SNX25: variants seen among roughly 807,000 people sequenced by gnomAD.
SNX25 encodes sorting nexin-25.
In SNX25, 62 loss-of-function variants were observed where a neutral mutation model predicts 113.7. That is an observed-to-expected ratio of 0.55 (90% confidence interval 0.44 to 0.67). The LOEUF is 0.67. Among genes scored for constraint, SNX25 ranks in the 30% least tolerant of loss-of-function variants. The probability of loss-of-function intolerance (pLI) is 0.00; values close to 1 mark genes in which losing one functional copy is unlikely to be tolerated. For synonymous variants in SNX25, 421 were observed against 436.2 expected (o/e 0.97, Z 0.43); for missense variants, 1,014 against 1,161.0 (o/e 0.87, Z 1.84).
chr4:185,236,373 A>AG (rs1244865019), intron 1 of SNX25, among the ~76,000 whole-genome samples: 1 of 151,990 alleles, frequency 6.6e-6, no homozygotes, highest in Non-Finnish European at 1.5e-5. Flanking sequence ...ACTGAAGAAA[A>AG]AAAAGACTCC....
intron 5 of SNX25, among the ~76,000 whole-genome samples, chr4:185,281,021 A>G (rs1366278886): frequency 6.6e-6 from 1 of 151,980 alleles, no homozygotes; most frequent in Non-Finnish European, 1.5e-5. Flanking sequence ...CCTTCACTCC[A>G]CTGTTCCCTA....
chr4:185,241,527 G>C lies in SNX25; in HGVS notation c.430-5767G>C. Among the ~76,000 whole-genome samples the C allele has an allele frequency of 3.5e-5, 2 of 57,120 alleles. 1 individual carries two copies. The highest frequency in any genetic ancestry group is 1.0e-4 in the Non-Finnish European group (2 of 19,570). The allele number at this position is 57,120 out of a possible 152,430, so 37.5% of individuals were successfully genotyped here. A position where few individuals can be genotyped will look rare whatever the true frequency, so the allele number is the denominator to read the frequency against. The stretch of plus-strand genomic sequence containing the variant: ...ACCGTGGGGAGAGGGAGAGGGAGAG[G>C]AGGGAGAGGGAGAGGAGGGAGAGGG... On this transcript the variant is annotated intron_variant, in intron 1 of 18. Transcript: ENST00000652585.
chr4:185,378,618 C>T, the SNX25 span: 148 of 989,962 alleles, frequency 1.5e-4, no homozygotes, highest in Admixed American at 3.6e-4. Flanking sequence ...GAATCCATTT[C>T]AAATTAAAGC....
At chr4:185,278,287 A>G (rs186856021) in intron 5 of SNX25, among the ~76,000 whole-genome samples, 136 of 152,350 alleles carry the variant, frequency 8.9e-4, no homozygotes, top group Non-Finnish European at 1.5e-3. Context: ...CAATCAGTCA[A>G]GCACCTCAGG....
At chr4:185,270,546 A>G (rs1748779088) in intron 5 of SNX25, among the ~76,000 whole-genome samples, 1 of 152,356 alleles carries the variant, frequency 6.6e-6, no homozygotes, top group Non-Finnish European at 1.5e-5. Context: ...TTCACGTACC[A>G]TAGAATTCAC....
intron 1 of SNX25, among the ~76,000 whole-genome samples, chr4:185,240,393 G>T (rs1428528344): frequency 6.7e-6 from 1 of 150,092 alleles, no homozygotes; most frequent in Non-Finnish European, 1.5e-5. Flanking sequence ...GCCGGGCGGG[G>T]GGCTGACCCC....
chr4:185,248,018 G>A (rs1481462170), intron 2 of SNX25, among the ~76,000 whole-genome samples: 1 of 152,132 alleles, frequency 6.6e-6, no homozygotes, highest in Non-Finnish European at 1.5e-5. Flanking sequence ...AGTTTATCAG[G>A]TGAATATATG....
chr4:185,216,781 A>G (rs1738924592), intron 1 of SNX25, among the ~76,000 whole-genome samples: 1 of 151,910 alleles, frequency 6.6e-6, no homozygotes, highest in Non-Finnish European at 1.5e-5. Flanking sequence ...TTGGCCTCCC[A>G]AAGTGCTGGG....
intron 6 of SNX25, among the ~76,000 whole-genome samples, chr4:185,308,681 A>G (rs1754828729): frequency 6.6e-6 from 1 of 152,178 alleles, no homozygotes; most frequent in Non-Finnish European, 1.5e-5. Flanking sequence ...ATAGCAGTGT[A>G]TACATAGATA....
intron 6 of SNX25, among the ~76,000 whole-genome samples, chr4:185,290,921 G>T (rs1174097215): frequency 6.6e-6 from 1 of 152,152 alleles, no homozygotes; most frequent in African/African-American, 2.4e-5. Context: ...TCAGGAAAGG[G>T]GGCAGTTACG....
At chr4:185,276,424 A>T (rs1749686108) in intron 5 of SNX25, among the ~76,000 whole-genome samples, 1 of 152,178 alleles carries the variant, frequency 6.6e-6, no homozygotes, top group Non-Finnish European at 1.5e-5. Context: ...AAATAACAAC[A>T]CTCTTCCTCC....
rs545541085 is a variant in SNX25 at position 185,227,044 on chromosome 4, G to A, written c.429+16789G>A. On this transcript the variant is annotated intron_variant, in intron 1 of 18. Transcript: ENST00000652585. The stretch of plus-strand genomic sequence containing the variant: ...AGCCCCGTGAGTCGGAAGAGCTTGC[G>A]GGCTGTTGACCAGGTGACTGTATCA... 3.9e-5 allele frequency among the ~76,000 whole-genome samples: 6 copies of A among 152,288 alleles called. No individual in the cohort carries two copies. The East Asian group carries it at 5.8e-4, about 15-fold the overall frequency.
At chr4:185,272,405 A>G (rs750737221) in intron 5 of SNX25, among the ~76,000 whole-genome samples, 3 of 152,232 alleles carry the variant, frequency 2.0e-5, no homozygotes, top group Non-Finnish European at 4.4e-5. Flanking sequence ...TTGCCCTTTC[A>G]GAACCTCTTA....
chr4:185,265,878 T>A (rs2126544580), intron 4 of SNX25, among the ~76,000 whole-genome samples: 1 of 152,318 alleles, frequency 6.6e-6, no homozygotes, highest in East Asian at 1.9e-4. Context: ...GCCACTGTCA[T>A]ATAGTCAGTC....
At chr4:185,310,556 A>C (rs947331420) in intron 6 of SNX25, 79 bp from the exon 7 acceptor site, 64 of 1,335,642 alleles carry the variant, frequency 4.8e-5, no homozygotes, top group Non-Finnish European at 6.1e-5. Flanking sequence ...CCCACAGCAG[A>C]CACTGATCTG....
At chr4:185,238,362 G>A (rs1742985063) in intron 1 of SNX25, among the ~76,000 whole-genome samples, 1 of 152,050 alleles carries the variant, frequency 6.6e-6, no homozygotes, top group Non-Finnish European at 1.5e-5. Context: ...TGTTGCTCAT[G>A]TCATGATCTT....
chr4:185,362,719 A>C lies in SNX25; in HGVS notation c.2934+8A>C. 1.9e-6 allele frequency: 3 copies of C among 1,607,354 alleles called. No individual in the cohort carries two copies. The highest frequency in any genetic ancestry group is 1.7e-6 in the Non-Finnish European group (2 of 1,175,476). On this transcript the variant is annotated splice_region_variant and intron_variant, in intron 18 of 18. Transcript: ENST00000652585. ...AACAAGCATCTGTTATATGTGAGTA[A>C]ATTAAAGCCCAGGGGGTTTCCTGCT...
intron 10 of SNX25, among the ~76,000 whole-genome samples, chr4:185,335,045 A>AGTG (rs1312887137): frequency 6.6e-6 from 1 of 152,076 alleles, no homozygotes; most frequent in African/African-American, 2.4e-5. Context: ...ATTGGCCAGG[A>AGTG]GTGGTGGCTC....
At chr4:185,294,534 G>C (rs1360649558) in intron 6 of SNX25, among the ~76,000 whole-genome samples, 2 of 152,176 alleles carry the variant, frequency 1.3e-5, no homozygotes, top group East Asian at 3.9e-4. Flanking sequence ...GAAACTCCTT[G>C]TTTGGCATTT....
Sources: gnomAD v4.1 joint callset for allele counts (sites outside exome capture counted in the v4.1 genomes callset) on GRCh38, gnomAD v4.1.1 for gene constraint, MANE v1.5 for transcripts, NCBI Gene and HGNC (gene_info 2026-07-23, HGNC 2026-07-21) for gene names.